Variants in GNAQ observed in about 807,000 individuals in gnomAD.
GNAQ encodes the protein G protein subunit alpha q.
Under a neutral mutation model 43.9 loss-of-function variants are expected in GNAQ, and 8 were observed. The observed-to-expected ratio is 0.18, with a 90% confidence interval of 0.11 to 0.33. The LOEUF (loss-of-function observed/expected upper bound fraction) is 0.33. Ranked by LOEUF, GNAQ falls within the 10% of genes least tolerant of loss-of-function variation. GNAQ has a pLI of 1.00. For missense variants in GNAQ, 158 were observed against 450.8 expected (o/e 0.35, Z 5.88); for synonymous variants, 155 against 170.7 (o/e 0.91, Z 0.71).
chr9:77,966,090 T>A (rs1239291328), intron 1 of GNAQ, among the ~76,000 whole-genome samples: 1 of 152,152 alleles, frequency 6.6e-6, no homozygotes, highest in Non-Finnish European at 1.5e-5. Context: ...ACATACTGTA[T>A]GTTCCCTCAG....
At chr9:78,025,136 A>G (rs1459230457) in intron 1 of GNAQ, among the ~76,000 whole-genome samples, 2 of 152,212 alleles carry the variant, frequency 1.3e-5, no homozygotes, top group South Asian at 2.1e-4. Flanking sequence ...TTTCATCAGT[A>G]TGCCTAGGTC....
intron 2 of GNAQ, among the ~76,000 whole-genome samples, chr9:77,914,825 C>T (rs945047938): frequency 2.0e-5 from 2 of 99,608 alleles, no homozygotes; most frequent in South Asian, 3.4e-4. Context: ...TACTTTTGAA[C>T]ACCAAAAAAA....
intron 1 of GNAQ, among the ~76,000 whole-genome samples, chr9:77,965,787 A>G (rs1400245104): frequency 6.6e-6 from 1 of 151,784 alleles, no homozygotes; most frequent in Non-Finnish European, 1.5e-5. Flanking sequence ...AAAGTAAAAC[A>G]TACCCCTGGT....
chr9:77,945,973 T>G (rs897832685), intron 1 of GNAQ, among the ~76,000 whole-genome samples: 7 of 152,222 alleles, frequency 4.6e-5, no homozygotes, highest in Admixed American at 6.5e-5. Flanking sequence ...CAGGCATTTC[T>G]TCAGTCCTAA....
chr9:77,810,234 CTATCTATCT>C (rs1826898758), intron 3 of GNAQ, among the ~76,000 whole-genome samples: 1 of 151,230 alleles, frequency 6.6e-6, no homozygotes, highest in South Asian at 2.1e-4. Flanking sequence ...ATCTATCTAT[CTATCTATCT>C]ATCTATCTAT....
intron 5 of GNAQ, among the ~76,000 whole-genome samples, chr9:77,784,759 C>T (rs965287984): frequency 6.6e-6 from 1 of 152,036 alleles, no homozygotes; most frequent in African/African-American, 2.4e-5. Flanking sequence ...AAGAATTCCT[C>T]TATATTAATA....
intron 1 of GNAQ, among the ~76,000 whole-genome samples, chr9:78,027,444 T>A (rs1823995758): frequency 6.6e-6 from 1 of 152,188 alleles, no homozygotes; most frequent in Non-Finnish European, 1.5e-5. Flanking sequence ...ACCTCTACTC[T>A]CATATGTTTG....
At chr9:77,947,861 A>G (rs1822923911) in intron 1 of GNAQ, among the ~76,000 whole-genome samples, 1 of 152,220 alleles carries the variant, frequency 6.6e-6, no homozygotes, top group Admixed American at 6.5e-5. Context: ...TGTCAGAGCC[A>G]TAAGGCCTCT....
chr9:77,805,370 T>C (rs1826811871), intron 3 of GNAQ, among the ~76,000 whole-genome samples: 1 of 152,182 alleles, frequency 6.6e-6, no homozygotes. Context: ...ATGTGCAGCA[T>C]TTATTAACAG....
At chr9:77,990,365 G>A (rs1285129447) in intron 1 of GNAQ, among the ~76,000 whole-genome samples, 5 of 152,150 alleles carry the variant, frequency 3.3e-5, no homozygotes, top group Admixed American at 6.5e-5. Flanking sequence ...CACCAAATGA[G>A]CATGCCATTA....
In GNAQ at chr9:77,737,162, C is replaced by G. The variant is rs973320870; in HGVS notation, c.736-8495G>C. 2.0e-5 allele frequency among the ~76,000 whole-genome samples: 3 copies of G among 152,226 alleles called. No homozygotes were observed. In the East Asian group the frequency reaches 5.8e-4, roughly 29 times the overall value. Reference sequence around the variant, plus strand: ...AACTTTCCTCCTTCCAGTACTCTCTCTACACCCATTATTCTGTGCTATCAT... The same window carrying G: ...AACTTTCCTCCTTCCAGTACTCTCTGTACACCCATTATTCTGTGCTATCAT... On this transcript the variant is annotated intron_variant, in intron 5 of 6. Coordinates refer to ENST00000286548, the MANE Select transcript of GNAQ (RefSeq NM_002072.5).
rs949081173 is a variant in GNAQ, at chr9:77,851,143, C to A, written c.322-35373G>T. Among the ~76,000 whole-genome samples, 6 of 152,184 alleles carry A rather than the reference C, an allele frequency of 3.9e-5. No homozygotes were observed. The South Asian group carries it at 1.2e-3, about 32-fold the overall frequency. On this transcript the variant is annotated intron_variant, in intron 2 of 6. Coordinates refer to ENST00000286548, the MANE Select transcript of GNAQ (RefSeq NM_002072.5). ...TGACACTTAACATACTTGTTTTACTCAACAAGGTCATTTCTTCCACTGAAG... is the reference window on the plus strand; with the variant it reads ...TGACACTTAACATACTTGTTTTACTAAACAAGGTCATTTCTTCCACTGAAG...
At chr9:77,888,155 T>C (rs1323513370) in intron 2 of GNAQ, among the ~76,000 whole-genome samples, 1 of 152,254 alleles carries the variant, frequency 6.6e-6, no homozygotes, top group East Asian at 1.9e-4. Context: ...ACACTTGTTT[T>C]GATGGGGTCC....
At chr9:77,820,087 C>CAAAAAAA (rs3083136) in intron 2 of GNAQ, among the ~76,000 whole-genome samples, 15 of 104,978 alleles carry the variant, frequency 1.4e-4, no homozygotes, top group Non-Finnish European at 2.4e-4. Flanking sequence ...ATTTAAAATG[C>CAAAAAAA]AAAAAAAAAA....
At chr9:77,884,540 G>A (rs1006531319) in intron 2 of GNAQ, among the ~76,000 whole-genome samples, 1 of 152,230 alleles carries the variant, frequency 6.6e-6, no homozygotes, top group Non-Finnish European at 1.5e-5. Flanking sequence ...AGGAATCTGA[G>A]TTAGGAATCC....
At position 77,822,469 on chromosome 9, in the gene GNAQ, C is replaced by CT. The variant is rs898983619; in HGVS notation, c.322-6700dup. 2.3e-4 allele frequency among the ~76,000 whole-genome samples: 35 copies of CT among 152,176 alleles called. 1 individual carries two copies. The highest frequency in any genetic ancestry group is 7.7e-4 in the African/African-American group (32 of 41,518). ...TAATCATTTTAGTCCTTTGTAATGTCTGTGCTCCTACAATCTCATTAACCA... is the reference window on the plus strand; with the variant it reads ...TAATCATTTTAGTCCTTTGTAATGTCTTGTGCTCCTACAATCTCATTAACCA... On this transcript the variant is annotated intron_variant, in intron 2 of 6. Coordinates refer to ENST00000286548, the MANE Select transcript of GNAQ (RefSeq NM_002072.5).
chr9:77,810,666 T>TA, intron 3 of GNAQ, among the ~76,000 whole-genome samples: 1 of 152,312 alleles, frequency 6.6e-6, no homozygotes, highest in South Asian at 2.1e-4. Context: ...GACTGGTGCT[T>TA]ATACCATGGT....
intron 2 of GNAQ, among the ~76,000 whole-genome samples, chr9:77,865,861 T>C (rs1827939763): frequency 6.6e-6 from 1 of 152,222 alleles, no homozygotes; most frequent in Non-Finnish European, 1.5e-5. Flanking sequence ...TTATAATTAG[T>C]TGTAGCAATG....
intron 2 of GNAQ, among the ~76,000 whole-genome samples, chr9:77,817,106 C>T (rs1454628845): frequency 6.6e-6 from 1 of 152,146 alleles, no homozygotes; most frequent in Admixed American, 6.5e-5. Flanking sequence ...CGTGTTCTCC[C>T]ACCCACAATC....
Sources: gnomAD v4.1 joint callset for allele counts (sites outside exome capture counted in the v4.1 genomes callset) on GRCh38, gnomAD v4.1.1 for gene constraint, MANE v1.5 for transcripts, NCBI Gene and HGNC (gene_info 2026-07-23, HGNC 2026-07-21) for gene names.